The following CDKAL1 variants were observed in gnomAD, a reference collection of about 807,000 sequenced individuals.
The protein encoded by CDKAL1 is CDKAL1 threonylcarbamoyladenosine tRNA methylthiotransferase.
CDKAL1 carries 32 observed loss-of-function variants against 68.2 expected under a neutral mutation model. That is an observed-to-expected ratio of 0.47 (90% CI 0.35 to 0.63). The LOEUF (loss-of-function observed/expected upper bound fraction) is 0.63, where lower values mean the gene tolerates loss of function less well. CDKAL1 is among the 30% of genes least tolerant of loss of function. CDKAL1 has a pLI of 0.00. For missense variants in CDKAL1, 606 were observed against 696.7 expected, an observed-to-expected ratio of 0.87 and a Z score of 1.47; for synonymous variants, 234 against 244.3, an observed-to-expected ratio of 0.96 and a Z score of 0.39.
intron 8 of CDKAL1, among the ~76,000 whole-genome samples, chr6:20,817,647 C>CTTA (rs1374111600): frequency 6.6e-6 from 1 of 152,034 alleles, no homozygotes; most frequent in African/African-American, 2.4e-5. Context: ...TATGTTATTG[C>CTTA]TTTAAATGAC....
chr6:20,908,875 A>G (rs1252479036), intron 9 of CDKAL1, among the ~76,000 whole-genome samples: 2 of 152,028 alleles, frequency 1.3e-5, no homozygotes, highest in African/African-American at 2.4e-5. Flanking sequence ...TTTCCATGAA[A>G]GTGGTGGTTT....
chr6:21,040,456 G>GACAC (rs928689039), intron 11 of CDKAL1, among the ~76,000 whole-genome samples: 9 of 151,996 alleles, frequency 5.9e-5, no homozygotes, highest in Admixed American at 5.9e-4. Context: ...TTGTTGAGGA[G>GACAC]ACACCATCAC....
intron 8 of CDKAL1, among the ~76,000 whole-genome samples, chr6:20,811,687 G>C (rs979784656): frequency 6.6e-6 from 1 of 151,510 alleles, no homozygotes; most frequent in East Asian, 1.9e-4. Flanking sequence ...TCATAACAGG[G>C]TCTCATGTCT....
chr6:21,203,481 C>A (rs1273221999), intron 15 of CDKAL1, among the ~76,000 whole-genome samples: 1 of 151,406 alleles, frequency 6.6e-6, no homozygotes, highest in African/African-American at 2.4e-5. Flanking sequence ...GGTGATCCGC[C>A]CACTTCAGCT....
intron 13 of CDKAL1, among the ~76,000 whole-genome samples, chr6:21,188,568 C>G (rs1436246418): frequency 6.6e-6 from 1 of 152,190 alleles, no homozygotes; most frequent in Non-Finnish European, 1.5e-5. Context: ...ACACTTATAT[C>G]CAGTGTTGGC....
chr6:20,914,220 G>A (rs1762616491), intron 9 of CDKAL1, among the ~76,000 whole-genome samples: 1 of 151,844 alleles, frequency 6.6e-6, no homozygotes, highest in African/African-American at 2.4e-5. Flanking sequence ...AACCTGGGAG[G>A]CGCAGCTTGC....
intron 13 of CDKAL1, among the ~76,000 whole-genome samples, chr6:21,122,663 C>T (rs1168887517): frequency 1.3e-5 from 2 of 151,960 alleles, no homozygotes; most frequent in African/African-American, 2.4e-5. Context: ...GAGACAAGAT[C>T]GCACACTGTT....
intron 11 of CDKAL1, among the ~76,000 whole-genome samples, chr6:21,049,964 A>G (rs1770452781): frequency 6.6e-6 from 1 of 152,144 alleles, no homozygotes; most frequent in South Asian, 2.1e-4. Flanking sequence ...AAATTTGCAG[A>G]GCTTGAGCAA....
chr6:20,582,024 A>G (rs1181041115), intron 4 of CDKAL1, among the ~76,000 whole-genome samples: 1 of 152,204 alleles, frequency 6.6e-6, no homozygotes, highest in Non-Finnish European at 1.5e-5. Flanking sequence ...AAACATATAA[A>G]AATTCATAAT....
chr6:20,998,552 A>G (rs1321934744), intron 10 of CDKAL1, among the ~76,000 whole-genome samples: 4 of 151,970 alleles, frequency 2.6e-5, no homozygotes, highest in Non-Finnish European at 4.4e-5. Flanking sequence ...TGGAGGTGGC[A>G]GTGAGCTGAG....
chr6:21,153,838 A>G (rs1776524934), intron 13 of CDKAL1, among the ~76,000 whole-genome samples: 2 of 152,192 alleles, frequency 1.3e-5, no homozygotes, highest in South Asian at 4.1e-4. Context: ...AGAGCTAGAT[A>G]AGACCTGGAG....
intron 13 of CDKAL1, 129 bp from the exon 14 acceptor site, chr6:21,197,892 A>G (rs1778534250): frequency 2.0e-6 from 1 of 505,246 alleles, no homozygotes; most frequent in African/African-American, 2.0e-5. Flanking sequence ...CCAGCAATGT[A>G]GAGTCTACTT....
intron 8 of CDKAL1, among the ~76,000 whole-genome samples, chr6:20,816,634 T>G (rs548362664): frequency 6.6e-6 from 1 of 152,176 alleles, no homozygotes; most frequent in Non-Finnish European, 1.5e-5. Context: ...AGAATATGTT[T>G]TCAGACCCAA....
In CDKAL1 at chr6:20,760,183, T is replaced by A. The variant is rs181047082; in HGVS notation, c.517+1540T>A. The stretch of plus-strand genomic sequence containing the variant: ...TAAATAGAGATGAGATTTTGCCATG[T>A]TGCCCAGGCTGGTCTCGAACTCCTG... On this transcript the variant is annotated intron_variant, in intron 7 of 15. Transcript: ENST00000274695. Among the ~76,000 whole-genome samples, 590 of 152,240 alleles carry A rather than the reference T, an allele frequency of 3.9e-3. 1 individual carries two copies. Among genetic ancestry groups the A allele is most frequent in the Admixed American group, 7.5e-3 (115 of 15,292 alleles).
intron 4 of CDKAL1, among the ~76,000 whole-genome samples, chr6:20,574,586 C>G (rs963004242): frequency 6.6e-6 from 1 of 152,096 alleles, no homozygotes; most frequent in Non-Finnish European, 1.5e-5. Flanking sequence ...TTGCTATGGT[C>G]TGACAATCAT....
intron 13 of CDKAL1, among the ~76,000 whole-genome samples, chr6:21,140,147 A>G (rs561482873): frequency 2.6e-5 from 4 of 152,340 alleles, no homozygotes; most frequent in East Asian, 1.9e-4. Context: ...TACACTGTCA[A>G]ACACTGGATT....
At chr6:20,944,845 A>G (rs1249420139) in intron 9 of CDKAL1, among the ~76,000 whole-genome samples, 1 of 152,160 alleles carries the variant, frequency 6.6e-6, no homozygotes, top group Non-Finnish European at 1.5e-5. Context: ...TTACCTGCAA[A>G]TGTTTGTAGT....
chr6:21,192,403 T>C (rs1282883007), intron 13 of CDKAL1, among the ~76,000 whole-genome samples: 2 of 152,216 alleles, frequency 1.3e-5, no homozygotes, highest in Non-Finnish European at 1.5e-5. Flanking sequence ...AAAATTACTT[T>C]CTCTACTTAC....
chr6:21,014,152 C>G (rs1384365584), intron 11 of CDKAL1, among the ~76,000 whole-genome samples: 1 of 152,198 alleles, frequency 6.6e-6, no homozygotes, highest in African/African-American at 2.4e-5. Context: ...TTATATCTCA[C>G]TGATTAGAAC....
Sources: gnomAD v4.1 joint callset for allele counts (sites outside exome capture counted in the v4.1 genomes callset) on GRCh38, gnomAD v4.1.1 for gene constraint, MANE v1.5 for transcripts, NCBI Gene and HGNC (gene_info 2026-07-23, HGNC 2026-07-21) for gene names.